The following BAIAP3 variants were observed in gnomAD, a reference collection of about 807,000 sequenced individuals.
BAIAP3 encodes BAI1 associated protein 3.
In BAIAP3, 180 loss-of-function variants were observed where a neutral mutation model predicts 149.7. That is an observed-to-expected ratio of 1.20 (90% CI 1.07 to 1.36). The LOEUF (loss-of-function observed/expected upper bound fraction) is 1.36. Ranked by LOEUF, BAIAP3 falls within the 40% of genes most tolerant of loss-of-function variation. BAIAP3 has a pLI of 0.00. For synonymous variants in BAIAP3, 845 were observed against 670.7 expected (o/e 1.26, Z -4.02); for missense variants, 1,767 against 1,563.4 (o/e 1.13, Z -2.20).
At chr16:1,344,195 A>G in intron 16 of BAIAP3, 32 bp from the exon 17 acceptor site, 5 of 1,612,602 alleles carry the variant, frequency 3.1e-6, no homozygotes, top group Non-Finnish European at 3.4e-6. Context: ...CTGGCAGGGC[A>G]GGCCCCACGT....
rs1311293773 is a variant in BAIAP3, at chr16:1,347,283, C to A, written c.2752-15C>A. 1 of 1,612,104 alleles carries A rather than the reference C, an allele frequency of 6.2e-7. No individual in the cohort carries two copies. Among genetic ancestry groups the A allele is most frequent in the Non-Finnish European group, 8.5e-7 (1 of 1,179,602 alleles). ...CCAGGCTCCCTGACACCTCTGCCTT[C>A]TTTCCCTGCCCCAGGCCCTGGTCAG... On this transcript the variant is annotated splice_polypyrimidine_tract_variant and intron_variant, in intron 28 of 33. Transcript: ENST00000426824.
intron 23 of BAIAP3, 42 bp from the exon 24 acceptor site, chr16:1,345,944 A>C (rs2034326262): frequency 6.3e-7 from 1 of 1,586,600 alleles, no homozygotes; most frequent in South Asian, 1.1e-5. Context: ...GAGATGGGGC[A>C]GGGGAGGGCT....
At chr16:1,344,396 G>A in intron 17 of BAIAP3, 73 bp from the exon 18 acceptor site, 1 of 1,609,908 alleles carries the variant, frequency 6.2e-7, no homozygotes, top group East Asian at 2.2e-5. Context: ...CTGCACCTCT[G>A]CACCACGGTC....
intron 1 of BAIAP3, chr16:1,334,645 C>G: frequency 6.5e-7 from 1 of 1,544,912 alleles, no homozygotes; most frequent in Non-Finnish European, 8.7e-7. Flanking sequence ...AATGCAGATT[C>G]CCGGGGTTCG....
In BAIAP3 at chr16:1,342,290, G is replaced by T; in HGVS notation, c.957+7G>T. 7.4e-6 allele frequency: 12 copies of T among 1,611,208 alleles called. No individual in the cohort carries two copies. Among genetic ancestry groups the T allele is most frequent in the Non-Finnish European group, 1.0e-5 (12 of 1,178,880 alleles). On this transcript the variant is annotated splice_region_variant and intron_variant, in intron 11 of 33. Transcript: ENST00000426824. ...CCTCAACATACCTGTCCGGGTGAGTGGGTGTGGGGTGGGGCTGGTGACACT... is the reference window on the plus strand; with the variant it reads ...CCTCAACATACCTGTCCGGGTGAGTTGGTGTGGGGTGGGGCTGGTGACACT...
Position 1,345,833 on chromosome 16 carries a change from G to T in BAIAP3, c.2151G>T (p.Val717=). 1 of 1,579,846 alleles carries T rather than the reference G, an allele frequency of 6.3e-7. No individual in the cohort carries two copies. ...LCLSHIQELW[V]RLAWPDPAQA... ...TCAGCCACATCCAGGAGTTGTGGGT[G>T]CGCCTGGCGTGGCCTGACCCTGCCC... The change falls in exon 23 of 34, where the codon GTG becomes GTT. Residue 717 remains valine (V), a synonymous_variant. Coordinates refer to ENST00000426824, the MANE Select transcript of BAIAP3 (RefSeq NM_001199097.2).
intron 17 of BAIAP3, 26 bp from the exon 18 acceptor site, chr16:1,344,443 T>C (rs2034169080): frequency 1.2e-6 from 2 of 1,612,668 alleles, no homozygotes; most frequent in South Asian, 1.1e-5. Context: ...CAATCCACCA[T>C]GCTGTCTTGG....
chr16:1,342,969 C>T lies in BAIAP3; in HGVS notation c.1218C>T (p.Cys406=). 1 of 1,611,328 alleles carries T rather than the reference C, an allele frequency of 6.2e-7. No homozygotes were observed. The highest frequency in any genetic ancestry group is 8.5e-7 in the Non-Finnish European group (1 of 1,179,828). The part of the protein sequence containing the change: ...ELSTPAATIL[C]LHGAQSNLSP... ...GCACACCAGCCGCCACCATCCTCTG[C>T]CTGCACGGAGCCCAGAGCAACCTGT... Residue 406 remains cysteine, a synonymous_variant, in exon 14 of 34, where the codon TGC becomes TGT. Transcript: ENST00000426824.
chr16:1,346,736 C>T (rs757716972), intron 27 of BAIAP3, 52 bp downstream of exon 27: 243 of 1,511,418 alleles, frequency 1.6e-4, no homozygotes, highest in East Asian at 4.2e-4. Flanking sequence ...TCACTGAGGC[C>T]GCCCTGCAGG....
At position 1,342,733 on chromosome 16, in the gene BAIAP3, G is replaced by C; in HGVS notation, c.1080G>C (p.Met360Ile). 1 of 1,612,494 alleles carries C rather than the reference G, an allele frequency of 6.2e-7. No homozygotes were observed. The highest frequency in any genetic ancestry group is 8.5e-7 in the Non-Finnish European group (1 of 1,179,998). ...CTGCGTTGCAGAGGGATACGGCCAT[G>C]AGCCAGCGCGGGCGATCCGGCTTCC... Reference protein sequence around the residue: ...KLITTQRDTAMSQRGRSGFLS... With the variant: ...KLITTQRDTAISQRGRSGFLS... The change falls in exon 13 of 34, where the codon ATG becomes ATC. Residue 360 changes from methionine to isoleucine, a missense_variant. Transcript: ENST00000426824.
Position 1,348,782 on chromosome 16 carries a change from G to A in BAIAP3, c.*300G>A, listed in dbSNP as rs1476583701. 7.2e-5 allele frequency: 35 copies of A among 482,850 alleles called. No individual in the cohort carries two copies. The Middle Eastern group carries it at 7.5e-3, about 104-fold the overall frequency. The allele number at this position is 482,850 out of a possible 1,614,324, so 29.9% of individuals were successfully genotyped here. A position where few individuals can be genotyped will look rare whatever the true frequency, so the allele number is the denominator to read the frequency against. ...GACCACCTGGTGGGCCTCCCTGCCC[G>A]CTTCCTTGGGCTCCCCGGCCCTGGG... is the stretch of plus-strand genomic sequence containing the variant. On this transcript the variant is annotated 3_prime_UTR_variant, in exon 34 of 34. Transcript: ENST00000426824.
At position 1,345,934 on chromosome 16, in the gene BAIAP3, G is replaced by A. The variant is rs776736045; in HGVS notation, c.2208+44G>A. The A allele has an allele frequency of 3.8e-6, 6 of 1,584,140 alleles. No homozygotes were observed. In the South Asian group the frequency reaches 6.9e-5, roughly 18 times the overall value. On this transcript the variant is annotated intron_variant, in intron 23 of 33. Transcript: ENST00000426824. ...GGGGTGAGGGGAACGGGTGGGAGAG[G>A]AGATGGGGCAGGGGAGGGCTCCATG...
At chr16:1,337,971 A>G (rs1258829184) in intron 1 of BAIAP3, among the ~76,000 whole-genome samples, 1 of 152,180 alleles carries the variant, frequency 6.6e-6, no homozygotes, top group African/African-American at 2.4e-5. Context: ...ACCCCCAGGC[A>G]GTCCCCTCCA....
chr16:1,347,262 GCTCC>G lies in BAIAP3; in HGVS notation c.2752-33_2752-30del, dbSNP rs963819597. On this transcript the variant is annotated intron_variant, in intron 28 of 33. Transcript: ENST00000426824. ...TCTACCTGTCCCCAGCACAAGCCAG[GCTCC>G]CTGACACCTCTGCCTTCTTTCCCTG... is the stretch of plus-strand genomic sequence containing the variant. 7 of 1,603,008 alleles carry G rather than the reference GCTCC, an allele frequency of 4.4e-6. No individual in the cohort carries two copies. The Admixed American group carries it at 6.7e-5, about 15-fold the overall frequency.
Position 1,348,699 on chromosome 16 carries a change from AACTTGGCAGG to A in BAIAP3, c.*225_*234del. 1 of 602,598 alleles carries A rather than the reference AACTTGGCAGG, an allele frequency of 1.7e-6. No homozygotes were observed. Among genetic ancestry groups the A allele is most frequent in the Non-Finnish European group, 2.9e-6 (1 of 340,560 alleles). 37.3% of individuals were successfully genotyped at this position (602,598 alleles called of 1,614,324 possible). A position where few individuals can be genotyped will look rare whatever the true frequency, so the allele number is the denominator to read the frequency against. On this transcript the variant is annotated 3_prime_UTR_variant, in exon 34 of 34. Coordinates refer to ENST00000426824, the MANE Select transcript of BAIAP3 (RefSeq NM_001199097.2). ...CACCCAACCCCACATCTGGGTGGCCAACTTGGCAGGACTTGGCCAGCAGCTGCCCAGGACA... is the reference window on the plus strand; with the variant it reads ...CACCCAACCCCACATCTGGGTGGCCAACTTGGCCAGCAGCTGCCCAGGACA...
chr16:1,337,001 C>G (rs1859669059), intron 1 of BAIAP3, among the ~76,000 whole-genome samples: 1 of 152,134 alleles, frequency 6.6e-6, no homozygotes, highest in African/African-American at 2.4e-5. Context: ...GTGGGTACCT[C>G]TCTTGTGGTG....
chr16:1,346,787 TGCAGGTGGGGCCAGCGGG>T (rs3215518), intron 27 of BAIAP3, 42 bp from the exon 28 acceptor site: 775,706 of 1,544,506 alleles, frequency 0.5, 201,166 homozygotes, highest in Admixed American at 0.63. Context: ...CAGGCCATTC[TGCAGGTGGGGCCAGCGGG>T]GCAGGTGGGG....
At chr16:1,334,634 G>A in intron 1 of BAIAP3, 1 of 1,541,924 alleles carries the variant, frequency 6.5e-7, no homozygotes, top group Non-Finnish European at 8.8e-7. Flanking sequence ...GCGCTTGTTA[G>A]AATGCAGATT....
chr16:1,338,782 G>T (rs1029074795), intron 2 of BAIAP3, 102 bp downstream of exon 2: 5 of 1,578,246 alleles, frequency 3.2e-6, no homozygotes, highest in Non-Finnish European at 4.3e-6. Context: ...GGGAAGGAGG[G>T]TCTGCAGTTA....
Sources: gnomAD v4.1 joint callset for allele counts (sites outside exome capture counted in the v4.1 genomes callset) on GRCh38, gnomAD v4.1.1 for gene constraint, MANE v1.5 for transcripts, NCBI Gene and HGNC (gene_info 2026-07-23, HGNC 2026-07-21) for gene names.